NPRL3: variants seen among roughly 807,000 people sequenced by gnomAD.
The protein encoded by NPRL3 is GATOR1 complex protein NPRL3.
NPRL3 carries 23 observed loss-of-function variants against 57.2 expected under a neutral mutation model. The observed-to-expected ratio is 0.40, with a 90% CI of 0.29 to 0.57. The LOEUF (loss-of-function observed/expected upper bound fraction) is 0.57. NPRL3 is among the 20% of genes least tolerant of loss of function. The probability of loss-of-function intolerance (pLI) is 0.42; values close to 1 mark genes in which losing one functional copy is unlikely to be tolerated. For synonymous variants in NPRL3, 333 were observed against 321.1 expected (o/e 1.04, Z -0.39); for missense variants, 691 against 767.1 (o/e 0.90, Z 1.17).
rs1271976685 is a variant in NPRL3, at chr16:85,646, G to T, written c.*1059C>A. On this transcript the variant is annotated 3_prime_UTR_variant, in exon 14 of 14. Transcript: ENST00000611875. ...TCCCCTGGAGCCCAGTGAGCCGGCT[G>T]TAGTGGCAGCAGCCCGGGTGGGCGT... 6.3e-7 allele frequency: 1 copy of T among 1,590,950 alleles called. No individual in the cohort carries two copies. Among genetic ancestry groups the T allele is most frequent in the Non-Finnish European group, 8.6e-7 (1 of 1,164,432 alleles).
rs1343443394 is a variant in NPRL3 at position 119,230 on chromosome 16, T to C, written c.214A>G (p.Ile72Val). 1.9e-6 allele frequency: 3 copies of C among 1,610,218 alleles called. No homozygotes were observed. The highest frequency in any genetic ancestry group is 2.5e-6 in the Non-Finnish European group (3 of 1,178,112). Reference protein sequence around the residue: ...SRFSDVILATILATKSEMCGQ... With the variant: ...SRFSDVILATVLATKSEMCGQ... ...CACATTTCAGACTTGGTTGCCAAAA[T>C]TGTTGCCAGAATAACATCTGAAAAC... is the stretch of plus-strand genomic sequence containing the variant. The change falls in exon 4 of 14, where the codon ATT becomes GTT. Residue 72 changes from isoleucine to valine, a missense_variant. Coordinates refer to ENST00000611875, the MANE Select transcript of NPRL3 (RefSeq NM_001077350.3).
At chr16:121,443 T>C (rs954473247) in intron 3 of NPRL3, among the ~76,000 whole-genome samples, 1 of 151,840 alleles carries the variant, frequency 6.6e-6, no homozygotes, top group Non-Finnish European at 1.5e-5. Flanking sequence ...GCCAACATAA[T>C]GAAACCCCCG....
intron 9 of NPRL3, among the ~76,000 whole-genome samples, chr16:96,587 G>T (rs1372095872): frequency 7.0e-6 from 1 of 143,382 alleles, no homozygotes; most frequent in East Asian, 2.0e-4. Flanking sequence ...AAGGTGCGAT[G>T]ATCACTTGAG....
intron 3 of NPRL3, among the ~76,000 whole-genome samples, chr16:120,223 G>C (rs567936682): frequency 2.6e-5 from 4 of 152,294 alleles, no homozygotes; most frequent in African/African-American, 9.6e-5. Flanking sequence ...TAATATCTAG[G>C]TCAGGAGGGT....
chr16:89,983 CA>C, intron 11 of NPRL3, 81 bp from the exon 12 acceptor site: 1 of 1,323,036 alleles, frequency 7.6e-7, no homozygotes, highest in Non-Finnish European at 1.0e-6. Context: ...TGGCCCTAGA[CA>C]TGGCCACAGC....
chr16:91,689 T>G (rs978409912), intron 11 of NPRL3, among the ~76,000 whole-genome samples: 11 of 152,234 alleles, frequency 7.2e-5, no homozygotes, highest in Non-Finnish European at 1.2e-4. Flanking sequence ...CTAACGGAGC[T>G]GAAAAGCCAG....
At chr16:103,012 T>C (rs1438851661) in intron 7 of NPRL3, among the ~76,000 whole-genome samples, 1 of 152,064 alleles carries the variant, frequency 6.6e-6, no homozygotes, top group African/African-American at 2.4e-5. Context: ...GTTACTCAAC[T>C]TGAGTAAGCA....
intron 5 of NPRL3, among the ~76,000 whole-genome samples, chr16:113,371 C>A (rs1899899857): frequency 6.6e-6 from 1 of 152,236 alleles, no homozygotes; most frequent in Admixed American, 6.5e-5. Flanking sequence ...CAGCAGAAGT[C>A]ACACTGGTTA....
intron 5 of NPRL3, among the ~76,000 whole-genome samples, chr16:113,663 C>T (rs1387297003): frequency 6.6e-6 from 1 of 152,184 alleles, no homozygotes; most frequent in Non-Finnish European, 1.5e-5. Context: ...GCTGAGTCAT[C>T]CTGTGGGGGT....
intron 7 of NPRL3, among the ~76,000 whole-genome samples, chr16:107,964 T>G (rs904032346): frequency 1.8e-4 from 27 of 152,148 alleles, no homozygotes; most frequent in Middle Eastern, 3.2e-3. Flanking sequence ...GGGTAGTAAT[T>G]CTCTCAACAC....
At chr16:111,330 A>G (rs940198030) in intron 6 of NPRL3, among the ~76,000 whole-genome samples, 1 of 152,060 alleles carries the variant, frequency 6.6e-6, no homozygotes, top group Non-Finnish European at 1.5e-5. Flanking sequence ...AACCCAGGAG[A>G]TGGAGCTTGC....
intron 7 of NPRL3, among the ~76,000 whole-genome samples, chr16:110,243 T>G (rs1293714635): frequency 3.3e-5 from 5 of 152,112 alleles, no homozygotes; most frequent in African/African-American, 1.2e-4. Flanking sequence ...CACTCTAGCC[T>G]GGGCAACAAA....
rs774779521 is a variant in NPRL3, at chr16:85,721, G to A, written c.*984C>T. The A allele has an allele frequency of 7.8e-6, 12 of 1,531,484 alleles. No homozygotes were observed. The highest frequency in any genetic ancestry group is 1.1e-5 in the Non-Finnish European group (12 of 1,136,720). 94.9% of individuals were successfully genotyped at this position (1,531,484 alleles called of 1,614,324 possible). On this transcript the variant is annotated 3_prime_UTR_variant, in exon 14 of 14. Coordinates refer to ENST00000611875, the MANE Select transcript of NPRL3 (RefSeq NM_001077350.3). ...GAAACCCCTCCGCTTCTATGTCCGGGGCAGCCCCTGGGTCAGTGTGGTCGA... is the reference window on the plus strand; with the variant it reads ...GAAACCCCTCCGCTTCTATGTCCGGAGCAGCCCCTGGGTCAGTGTGGTCGA...
chr16:100,696 A>G (rs147245408), intron 7 of NPRL3, among the ~76,000 whole-genome samples, 187 bp from the exon 8 acceptor site: 2,077 of 127,990 alleles, frequency 0.016, 41 homozygotes, highest in African/African-American at 0.045. Flanking sequence ...GGGGCCGGGC[A>G]CGGTGGCTCA....
chr16:94,528 C>T (rs1043428322), intron 9 of NPRL3, among the ~76,000 whole-genome samples: 1 of 152,148 alleles, frequency 6.6e-6, no homozygotes, highest in Non-Finnish European at 1.5e-5. Context: ...GCAGGAGGAT[C>T]GCCTGAACCT....
intron 3 of NPRL3, among the ~76,000 whole-genome samples, chr16:124,359 TC>T (rs1900421500): frequency 6.6e-6 from 1 of 151,870 alleles, no homozygotes; most frequent in African/African-American, 2.4e-5. Context: ...TTTTTTTTTT[TC>T]CTTTTTTCTT....
intron 7 of NPRL3, among the ~76,000 whole-genome samples, chr16:104,605 T>C (rs543590695): frequency 6.6e-6 from 1 of 152,348 alleles, no homozygotes; most frequent in African/African-American, 2.4e-5. Flanking sequence ...AGACACGCCA[T>C]GTTGGTTCCT....
intron 2 of NPRL3, among the ~76,000 whole-genome samples, chr16:132,829 C>T (rs1469868447): frequency 6.6e-6 from 1 of 152,046 alleles, no homozygotes; most frequent in African/African-American, 2.4e-5. Flanking sequence ...GCCACTATGC[C>T]CGGCTAATTT....
At chr16:130,682 C>T in intron 2 of NPRL3, 91 bp from the exon 3 acceptor site, 3 of 1,207,718 alleles carry the variant, frequency 2.5e-6, no homozygotes, top group Non-Finnish European at 3.6e-6. Context: ...CCATGTTTTC[C>T]AAAACATGCT....
Sources: allele counts gnomAD v4.1 joint callset (sites outside exome capture counted in the v4.1 genomes callset), GRCh38; gene constraint gnomAD v4.1.1; transcripts MANE v1.5; gene names NCBI Gene and HGNC (gene_info 2026-07-23, HGNC 2026-07-21).